The following STARD8 variants were observed in gnomAD, a reference collection of about 807,000 sequenced individuals.
STARD8 encodes the protein stAR-related lipid transfer protein 8.
Under a neutral mutation model 69.4 loss-of-function variants are expected in STARD8, and 25 were observed. The ratio of observed to expected loss-of-function variants is 0.36; its 90% CI spans 0.26 to 0.50. The LOEUF (loss-of-function observed/expected upper bound fraction) is 0.50, where lower values mean the gene tolerates loss of function less well. Among genes scored for constraint, STARD8 ranks in the 20% least tolerant of loss-of-function variants. The pLI, the probability that STARD8 is intolerant of heterozygous loss-of-function variation, is 0.96. For synonymous variants in STARD8, 389 were observed against 374.6 expected, an observed-to-expected ratio of 1.04 and a Z score of -0.45; for missense variants, 921 against 932.5, an observed-to-expected ratio of 0.99 and a Z score of 0.16.
chrX:68,652,071 T>A (rs1321515650), intron 1 of STARD8, among the ~76,000 whole-genome samples: 1 of 107,589 alleles, frequency 9.3e-6, no homozygotes, highest in Non-Finnish European at 1.9e-5. Flanking sequence ...TTGGCCAGGC[T>A]GGTCTCGAGC....
intron 3 of STARD8, among the ~76,000 whole-genome samples, chrX:68,713,748 C>G (rs886779078): frequency 1.8e-5 from 2 of 111,998 alleles, no homozygotes; most frequent in Non-Finnish European, 3.8e-5. Context: ...ATTTCTTTCT[C>G]ATGAGATCTT....
At chrX:68,648,044 C>A (rs1252729994) in intron 1 of STARD8, 117 bp downstream of exon 1, 7 of 907,706 alleles carry the variant, frequency 7.7e-6, no homozygotes, top group Non-Finnish European at 1.1e-5. Context: ...CTACCTGAGG[C>A]TCTCGGAGTT....
intron 1 of STARD8, among the ~76,000 whole-genome samples, chrX:68,652,986 C>T (rs1378300821): frequency 1.5e-5 from 1 of 67,686 alleles, no homozygotes; most frequent in Non-Finnish European, 2.8e-5. Flanking sequence ...ACACCACACA[C>T]ACACCACACA....
Position 68,721,564 on chromosome X carries a change from A to G in STARD8, c.2277A>G (p.Ala759=), listed in dbSNP as rs781624856. 1.2e-5 allele frequency: 15 copies of G among 1,210,340 alleles called. No homozygotes were observed. In the South Asian group the frequency reaches 2.6e-4, roughly 21 times the overall value. Residue 759 remains alanine (A), a synonymous_variant, in exon 10 of 15, where the codon GCA becomes GCG. Transcript: ENST00000374599. ...QLLPKDQWLA[A]AQAATLLLPD... ...TCCCCAAGGATCAGTGGTTGGCAGC[A>G]GCACAAGCCGCCACCTTGCTGCTCC...
intron 1 of STARD8, among the ~76,000 whole-genome samples, chrX:68,649,543 C>CA (rs1415524396): frequency 2.7e-5 from 3 of 110,653 alleles, no homozygotes; most frequent in African/African-American, 9.9e-5. Flanking sequence ...TAATTCAACT[C>CA]AAAGGACTAT....
chrX:68,668,361 T>C (rs1025199414), intron 2 of STARD8, among the ~76,000 whole-genome samples: 2 of 102,607 alleles, frequency 1.9e-5, no homozygotes, highest in African/African-American at 7.2e-5. Flanking sequence ...ACGGTCTCTG[T>C]CACTCAGGCT....
At chrX:68,653,067 C>T (rs1602534833) in intron 1 of STARD8, among the ~76,000 whole-genome samples, 2 of 39,981 alleles carry the variant, frequency 5.0e-5, no homozygotes, top group Admixed American at 3.7e-4. Context: ...ACACACCACA[C>T]ACCACACACA....
At chrX:68,682,268 G>A (rs1242581626) in intron 2 of STARD8, among the ~76,000 whole-genome samples, 1 of 111,944 alleles carries the variant, frequency 8.9e-6, no homozygotes, top group Non-Finnish European at 1.9e-5. Flanking sequence ...CAAAGTGCTG[G>A]GATTACAGGC....
At chrX:68,716,550 G>A (rs1436794250) in intron 5 of STARD8, 119 bp downstream of exon 5, 1 of 673,866 alleles carries the variant, frequency 1.5e-6, no homozygotes, top group African/African-American at 2.2e-5. Context: ...GTCCAGAGCA[G>A]TGCCTTTCCC....
At chrX:68,712,805 A>C in intron 2 of STARD8, 109 bp from the exon 3 acceptor site, 1 of 714,884 alleles carries the variant, frequency 1.4e-6, no homozygotes, top group Non-Finnish European at 2.1e-6. Context: ...GATCACCAGA[A>C]TGAGACATGT....
chrX:68,721,892 G>A (rs1378026758), intron 10 of STARD8, 146 bp downstream of exon 10: 3 of 782,366 alleles, frequency 3.8e-6, no homozygotes, highest in Non-Finnish European at 5.5e-6. Context: ...CTGGGCTGGT[G>A]GGATGCTGTG....
At chrX:68,706,408 G>A (rs974497694) in intron 2 of STARD8, among the ~76,000 whole-genome samples, 4 of 111,652 alleles carry the variant, frequency 3.6e-5, no homozygotes, top group Admixed American at 9.4e-5. Context: ...GAACTGGACC[G>A]CCCCATAGAT....
intron 1 of STARD8, among the ~76,000 whole-genome samples, chrX:68,660,098 G>A (rs1372731962): frequency 1.8e-5 from 2 of 111,067 alleles, no homozygotes; most frequent in African/African-American, 6.6e-5. Flanking sequence ...CCAAGCCAGT[G>A]TGGGACAGCT....
At chrX:68,685,464 A>G (rs958756666) in intron 2 of STARD8, among the ~76,000 whole-genome samples, 1 of 112,553 alleles carries the variant, frequency 8.9e-6, no homozygotes, top group Non-Finnish European at 1.9e-5. Context: ...AAGTCAGGTA[A>G]TGCAAGTTTG....
chrX:68,659,355 T>C (rs1170528293), intron 1 of STARD8, among the ~76,000 whole-genome samples: 1 of 111,979 alleles, frequency 8.9e-6, no homozygotes, highest in Admixed American at 9.4e-5. Flanking sequence ...GAGCCTAGAA[T>C]TGGGGACATC....
rs939357924 is a variant in STARD8, at chrX:68,722,128, G to A, written c.2541G>A (p.Ser847=). ...SDNMAATQGL[S]HMISDCKKLF... is the part of the protein sequence containing the mutation. ...ACATGGCAGCCACCCAGGGCCTGTC[G>A]CACATGATCAGTGACTGCAAGAAAC... The change falls in exon 11 of 15, where the codon TCG becomes TCA. Residue 847 remains serine, a synonymous_variant. Transcript: ENST00000374599. 7.5e-6 allele frequency: 9 copies of A among 1,204,670 alleles called. No individual in the cohort carries two copies. The highest frequency in any genetic ancestry group is 4.4e-5 in the Admixed American group (2 of 45,650).
intron 4 of STARD8, among the ~76,000 whole-genome samples, chrX:68,715,930 G>A (rs912799027): frequency 1.5e-4 from 17 of 112,479 alleles, no homozygotes; most frequent in Admixed American, 1.5e-3. Context: ...ATTAGCCTTA[G>A]CCCCATTGGT....
At chrX:68,652,893 C>CACCCCACACACA (rs2079562170) in intron 1 of STARD8, among the ~76,000 whole-genome samples, 1 of 44,651 alleles carries the variant, frequency 2.2e-5, no homozygotes, top group African/African-American at 8.4e-5. Flanking sequence ...CACACACACA[C>CACCCCACACACA]CACACCACAC....
intron 2 of STARD8, among the ~76,000 whole-genome samples, chrX:68,684,538 G>A (rs1468917075): frequency 3.5e-5 from 4 of 112,885 alleles, no homozygotes; most frequent in Non-Finnish European, 7.5e-5. Context: ...AGCTGACTGA[G>A]GCCTCCTTTT....
Sources: gnomAD v4.1 joint callset for allele counts (sites outside exome capture counted in the v4.1 genomes callset) on GRCh38, gnomAD v4.1.1 for gene constraint, MANE v1.5 for transcripts, NCBI Gene and HGNC (gene_info 2026-07-23, HGNC 2026-07-21) for gene names.